CLSTN2: variants seen among roughly 807,000 people sequenced by gnomAD.
The protein encoded by CLSTN2 is calsyntenin-2.
A neutral mutation model predicts 101.2 loss-of-function variants in CLSTN2; 48 were observed. The observed-to-expected ratio is 0.47, with a 90% confidence interval of 0.38 to 0.60. The LOEUF is 0.60. Among genes scored for constraint, CLSTN2 ranks in the 20% least tolerant of loss-of-function variants. The pLI is 0.00. For synonymous variants in CLSTN2, 481 were observed against 463.6 expected (o/e 1.04, Z -0.48); for missense variants, 1,160 against 1,238.2 (o/e 0.94, Z 0.95).
chr3:140,028,333 C>G (rs976054788), intron 1 of CLSTN2, among the ~76,000 whole-genome samples: 1 of 152,194 alleles, frequency 6.6e-6, no homozygotes, highest in Non-Finnish European at 1.5e-5. Context: ...AGCTACTTCT[C>G]TTATCATTGT....
At chr3:140,272,151 G>A (rs376781860) in intron 2 of CLSTN2, among the ~76,000 whole-genome samples, 15 of 152,116 alleles carry the variant, frequency 9.9e-5, no homozygotes, top group African/African-American at 2.2e-4. Context: ...TATTTTGCTC[G>A]TGTCTAGATT....
chr3:140,120,036 G>A (rs1042318175), intron 1 of CLSTN2, among the ~76,000 whole-genome samples: 7 of 152,188 alleles, frequency 4.6e-5, no homozygotes, highest in African/African-American at 7.2e-5. Flanking sequence ...GACCAAATGC[G>A]TAGAGGTTTT....
At chr3:139,957,885 TG>T (rs139330921) in intron 1 of CLSTN2, among the ~76,000 whole-genome samples, 3,493 of 152,292 alleles carry the variant, frequency 0.023, 118 homozygotes, top group African/African-American at 0.08. Context: ...GAAACTTTCT[TG>T]GGCACTCACA....
chr3:140,337,833 C>T lies in CLSTN2; in HGVS notation c.233-65796C>T, dbSNP rs149788465. On this transcript the variant is annotated intron_variant, in intron 2 of 16. Transcript: ENST00000458420. ...CAGAAGTCTTTGGATACTAATTGAGCCCTTACTCATGGGCTAGAATTAGTT... is the reference window on the plus strand; with the variant it reads ...CAGAAGTCTTTGGATACTAATTGAGTCCTTACTCATGGGCTAGAATTAGTT... Among the ~76,000 whole-genome samples, 154 of 152,262 alleles carry T rather than the reference C, an allele frequency of 1.0e-3. 2 individuals carry two copies. Among genetic ancestry groups the T allele is most frequent in the Admixed American group, 3.3e-3 (50 of 15,302 alleles).
chr3:140,559,425 A>G (rs946365224), intron 12 of CLSTN2, among the ~76,000 whole-genome samples: 3 of 152,194 alleles, frequency 2.0e-5, no homozygotes, highest in Non-Finnish European at 2.9e-5. Context: ...GCTCTCAGGA[A>G]ACTTTTAAGT....
At chr3:140,456,744 G>A (rs910300042) in intron 6 of CLSTN2, among the ~76,000 whole-genome samples, 2 of 151,934 alleles carry the variant, frequency 1.3e-5, no homozygotes, top group African/African-American at 2.4e-5. Context: ...CCAAGATCGC[G>A]CCACTGTACT....
chr3:139,953,477 C>A (rs1358531283), intron 1 of CLSTN2, among the ~76,000 whole-genome samples: 2 of 152,244 alleles, frequency 1.3e-5, no homozygotes, highest in Non-Finnish European at 2.9e-5. Context: ...TCTGCTCATG[C>A]CTTTTTCGTG....
chr3:140,098,665 C>T (rs1372875958), intron 1 of CLSTN2, among the ~76,000 whole-genome samples: 1 of 152,192 alleles, frequency 6.6e-6, no homozygotes, highest in African/African-American at 2.4e-5. Flanking sequence ...AATACTCAAA[C>T]ATGTAATCTT....
At chr3:140,176,343 G>A (rs934928483) in intron 2 of CLSTN2, among the ~76,000 whole-genome samples, 1 of 152,158 alleles carries the variant, frequency 6.6e-6, no homozygotes, top group Admixed American at 6.5e-5. Flanking sequence ...TGCTGAAGTG[G>A]CCTGTGGAGT....
chr3:140,232,533 G>C (rs1477836263), intron 2 of CLSTN2, among the ~76,000 whole-genome samples: 1 of 152,020 alleles, frequency 6.6e-6, no homozygotes, highest in African/African-American at 2.4e-5. Flanking sequence ...TTTGATCACA[G>C]TTCCTACGGG....
chr3:140,239,362 G>A (rs942575301), intron 2 of CLSTN2, among the ~76,000 whole-genome samples: 3 of 152,120 alleles, frequency 2.0e-5, no homozygotes, highest in Non-Finnish European at 4.4e-5. Flanking sequence ...GTCATTTTAT[G>A]TACCACTAGG....
At chr3:140,450,366 T>G (rs1302560449) in intron 6 of CLSTN2, among the ~76,000 whole-genome samples, 1 of 152,166 alleles carries the variant, frequency 6.6e-6, no homozygotes, top group Non-Finnish European at 1.5e-5. Context: ...TCAGTGAGTC[T>G]GTGAAATGAG....
Position 139,935,266 on chromosome 3 carries a change from C to A in CLSTN2, c.-109C>A. On this transcript the variant is annotated 5_prime_UTR_variant, in exon 1 of 17. Transcript: ENST00000458420. This position sits in a 1 kb window ranked among gnomAD's most constrained non-coding sequence, Gnocchi z 5.5. ...AGCGCCGCGGCGGCAGCGCTAGAAG[C>A]GCACCCATCGGGCACGGCGAGGCGG... is the stretch of plus-strand genomic sequence containing the variant. 1 of 492,364 alleles carries A rather than the reference C, an allele frequency of 2.0e-6. No homozygotes were observed. The highest frequency in any genetic ancestry group is 3.1e-6 in the Non-Finnish European group (1 of 321,512). The allele number at this position is 492,364 out of a possible 1,614,324, so 30.5% of individuals were successfully genotyped here.
At chr3:140,425,951 G>A (rs548052046) in intron 5 of CLSTN2, among the ~76,000 whole-genome samples, 1 of 152,222 alleles carries the variant, frequency 6.6e-6, no homozygotes, top group South Asian at 2.1e-4. Flanking sequence ...TCTTTGTTTT[G>A]TTCTGAGCTT....
intron 4 of CLSTN2, among the ~76,000 whole-genome samples, chr3:140,408,820 AC>A (rs1048222170): frequency 3.3e-5 from 5 of 152,274 alleles, no homozygotes; most frequent in African/African-American, 1.2e-4. Flanking sequence ...CCTGTGGTTA[AC>A]CCCTTTGCTG....
At chr3:140,351,366 T>C (rs557206488) in intron 2 of CLSTN2, among the ~76,000 whole-genome samples, 2 of 152,350 alleles carry the variant, frequency 1.3e-5, no homozygotes, top group South Asian at 4.1e-4. Context: ...TGGTTCATTC[T>C]GCAGGGCAAT....
intron 1 of CLSTN2, among the ~76,000 whole-genome samples, chr3:140,053,628 C>T (rs1010659090): frequency 6.6e-6 from 1 of 152,202 alleles, no homozygotes; most frequent in Non-Finnish European, 1.5e-5. Context: ...TGACTGTCTG[C>T]TCTCTGTCTT....
At chr3:140,338,171 C>T (rs2087460678) in intron 2 of CLSTN2, among the ~76,000 whole-genome samples, 1 of 152,152 alleles carries the variant, frequency 6.6e-6, no homozygotes, top group Non-Finnish European at 1.5e-5. Context: ...AGCACCAGCA[C>T]CCTGGTTTTC....
In CLSTN2 at chr3:140,231,294, C is replaced by G. The variant is rs189061197; in HGVS notation, c.232+55221C>G. Among the ~76,000 whole-genome samples the G allele has an allele frequency of 2.6e-5, 4 of 152,306 alleles. No individual in the cohort carries two copies. The East Asian group carries it at 7.7e-4, about 29-fold the overall frequency. On this transcript the variant is annotated intron_variant, in intron 2 of 16. Transcript: ENST00000458420. Reference sequence around the variant, plus strand: ...CAGAGCTGTCAATATTCTCCCTCATCATCTACTGCGGGAGTTCCATGACTC... The same window carrying G: ...CAGAGCTGTCAATATTCTCCCTCATGATCTACTGCGGGAGTTCCATGACTC...
Sources: allele counts gnomAD v4.1 joint callset (sites outside exome capture counted in the v4.1 genomes callset), GRCh38; gene constraint gnomAD v4.1.1; non-coding constraint Gnocchi (gnomAD v3.1); transcripts MANE v1.5; gene names NCBI Gene and HGNC (gene_info 2026-07-23, HGNC 2026-07-21).